The following MRRF variants were observed in gnomAD, a reference collection of about 807,000 sequenced individuals.
The protein encoded by MRRF is ribosome-recycling factor, mitochondrial.
In MRRF, 18 loss-of-function variants were observed where a neutral mutation model predicts 25.1. The observed-to-expected ratio is 0.72, with a 90% CI of 0.50 to 1.06. The LOEUF is 1.06. Ranked by LOEUF, MRRF falls within the 50% of genes least tolerant of loss-of-function variation. The pLI, the probability that MRRF is intolerant of heterozygous loss-of-function variation, is 0.00. For missense variants in MRRF, 323 were observed against 319.3 expected (o/e 1.01, Z -0.09); for synonymous variants, 113 against 112.1 (o/e 1.01, Z -0.05).
chr9:122,271,129 T>G, intron 2 of MRRF, 54 bp downstream of exon 2: 2 of 1,461,174 alleles, frequency 1.4e-6, no homozygotes, highest in Non-Finnish European at 1.9e-6. Flanking sequence ...AGTTGGCCCT[T>G]GAATTATAGC....
chr9:122,282,776 G>A (rs1246451627), intron 3 of MRRF, among the ~76,000 whole-genome samples: 3 of 152,184 alleles, frequency 2.0e-5, no homozygotes, highest in African/African-American at 7.2e-5. Flanking sequence ...CTGGGGGCTT[G>A]TAAAAGGGGT....
intron 1 of MRRF, among the ~76,000 whole-genome samples, chr9:122,266,089 C>A (rs1832063326): frequency 6.6e-6 from 1 of 152,236 alleles, no homozygotes; most frequent in African/African-American, 2.4e-5. Flanking sequence ...TCTTTCTGGA[C>A]TTTCACTGAT....
At chr9:122,281,978 T>C (rs16911579) in intron 3 of MRRF, among the ~76,000 whole-genome samples, 3,930 of 152,320 alleles carry the variant, frequency 0.026, 151 homozygotes, top group African/African-American at 0.085. Flanking sequence ...TTGGGACTTC[T>C]GTGGCAAAGG....
In MRRF at chr9:122,324,996, C is replaced by T. The variant is rs55970475; in HGVS notation, c.*2379C>T. ...AAGCCACATGACAGGGGCTTTGCAA[C>T]AGTCTTTCATGAGTGGCCGAAATCC... is the stretch of plus-strand genomic sequence containing the variant. On this transcript the variant is annotated 3_prime_UTR_variant, in exon 7 of 7. Coordinates refer to ENST00000344641, the MANE Select transcript of MRRF (RefSeq NM_138777.5). 2.8e-4 allele frequency: 42 copies of T among 152,312 alleles called. No individual in the cohort carries two copies. Among genetic ancestry groups the T allele is most frequent in the African/African-American group, 9.9e-4 (41 of 41,554 alleles). 9.4% of individuals were successfully genotyped at this position (152,312 alleles called of 1,614,324 possible). A position where few individuals can be genotyped will look rare whatever the true frequency, so the allele number is the denominator to read the frequency against.
intron 4 of MRRF, among the ~76,000 whole-genome samples, chr9:122,288,964 A>G (rs1833581121): frequency 6.6e-6 from 1 of 152,190 alleles, no homozygotes; most frequent in Admixed American, 6.5e-5. Flanking sequence ...GCCCTGTGAT[A>G]CTGTCGAGCA....
chr9:122,307,137 G>C (rs921121990), intron 5 of MRRF, among the ~76,000 whole-genome samples: 1 of 152,168 alleles, frequency 6.6e-6, no homozygotes, highest in African/African-American at 2.4e-5. Context: ...TTTCCGTCAG[G>C]ACCGGCAGCC....
At chr9:122,289,931 T>C (rs1013970603) in intron 4 of MRRF, among the ~76,000 whole-genome samples, 4 of 151,746 alleles carry the variant, frequency 2.6e-5, no homozygotes, top group South Asian at 4.2e-4. Context: ...TTTCTTTTTT[T>C]CCTCCTGCAG....
chr9:122,322,599 C>G lies in MRRF; in HGVS notation c.771C>G (p.Thr257=). 6.2e-7 allele frequency: 1 copy of G among 1,614,072 alleles called. No individual in the cohort carries two copies. Among genetic ancestry groups the G allele is most frequent in the African/African-American group, 1.3e-5 (1 of 75,002 alleles). Residue 257 remains threonine, a synonymous_variant, in exon 7 of 7, where the codon ACC becomes ACG. Transcript: ENST00000344641. Reference sequence around the variant, plus strand: ...TGGACAGGCATCTGGCAGTGAAGACCAAAGAACTCCTTGGATGAAAGTCCA... The same window carrying G: ...TGGACAGGCATCTGGCAGTGAAGACGAAAGAACTCCTTGGATGAAAGTCCA... ...AELDRHLAVK[T]KELLG
chr9:122,308,111 T>G (rs1564506807), intron 5 of MRRF, among the ~76,000 whole-genome samples: 1 of 152,142 alleles, frequency 6.6e-6, no homozygotes, highest in South Asian at 2.1e-4. Context: ...GTGGAGCTTG[T>G]ACAAACAAAG....
intron 3 of MRRF, among the ~76,000 whole-genome samples, chr9:122,283,515 T>C (rs1207199520): frequency 6.6e-6 from 1 of 152,200 alleles, no homozygotes; most frequent in East Asian, 1.9e-4. Flanking sequence ...ACTCAGGTAA[T>C]TGGTCTTCAG....
chr9:122,270,938 G>T lies in MRRF; in HGVS notation c.47G>T (p.Arg16Leu), dbSNP rs771838570. 5.0e-6 allele frequency: 8 copies of T among 1,614,066 alleles called. No homozygotes were observed. The highest frequency in any genetic ancestry group is 6.8e-6 in the Non-Finnish European group (8 of 1,180,014). The change falls in exon 2 of 7, where the codon CGC (arginine) becomes CTC (leucine). Residue 16 changes from arginine (R) to leucine (L), a missense_variant. Physicochemically the swap from Arg to Leu is moderately radical, Grantham distance 102. Coordinates refer to ENST00000344641, the MANE Select transcript of MRRF (RefSeq NM_138777.5). The part of the protein sequence containing the change: ...KCFRMVHPTF[R>L]NYLAASIRPV... ...TTCCGCATGGTCCACCCTACCTTTC[G>T]CAATTATCTTGCAGCCTCTATCAGA...
chr9:122,265,366 A>G (rs1323102152), intron 1 of MRRF: 1 of 213,048 alleles, frequency 4.7e-6, no homozygotes, highest in East Asian at 1.4e-4. Context: ...TTTAACCACC[A>G]CTCTGTGCCA....
rs745904038 is a variant in MRRF, at chr9:122,268,954, A to G, written c.-28-1910A>G. 6.5e-4 allele frequency among the ~76,000 whole-genome samples: 98 copies of G among 151,830 alleles called. 2 individuals carry two copies. Among genetic ancestry groups the G allele is most frequent in the Non-Finnish European group, 1.5e-4 (10 of 67,948 alleles). The stretch of plus-strand genomic sequence containing the variant: ...GCCGAGGTGGGTGGATCACGAGGTC[A>G]GGAGATCGAGACCAACCTGGCTAAC... On this transcript the variant is annotated intron_variant, in intron 1 of 6. Transcript: ENST00000344641.
At chr9:122,286,035 C>T (rs1310455321) in intron 4 of MRRF, 2 of 1,297,556 alleles carry the variant, frequency 1.5e-6, no homozygotes, top group African/African-American at 3.0e-5. Flanking sequence ...TATTGGTCCA[C>T]TAGGAATTGG....
intron 5 of MRRF, among the ~76,000 whole-genome samples, chr9:122,295,602 C>T (rs1159998499): frequency 1.3e-5 from 2 of 152,062 alleles, no homozygotes; most frequent in African/African-American, 4.8e-5. Flanking sequence ...CCCGCCACCA[C>T]GTCTGGCTAA....
chr9:122,271,097 T>TC (rs1203203716), intron 2 of MRRF, 22 bp downstream of exon 2: 1 of 1,599,524 alleles, frequency 6.3e-7, no homozygotes, highest in South Asian at 1.1e-5. Flanking sequence ...TGACGTTCTC[T>TC]CCTACTTCAC....
chr9:122,322,568 C>G lies in MRRF; in HGVS notation c.740C>G (p.Ala247Gly). 1 of 1,614,106 alleles carries G rather than the reference C, an allele frequency of 6.2e-7. No homozygotes were observed. The highest frequency in any genetic ancestry group is 8.5e-7 in the Non-Finnish European group (1 of 1,180,024). Residue 247 changes from alanine to glycine, a missense_variant, in exon 7 of 7, where the codon GCA (alanine) becomes GGA (glycine). Coordinates refer to ENST00000344641, the MANE Select transcript of MRRF (RefSeq NM_138777.5). ...AGCCAAATGGCCGATGACACAGTGG[C>G]AGAACTGGACAGGCATCTGGCAGTG... ...QISQMADDTV[A>G]ELDRHLAVKT...
rs1171770921 is a variant in MRRF, at chr9:122,325,887, A to G, written c.*3270A>G. ...TCGCCCATCATGCAGTGGCACAATCATAGCTCACTGCAGCCTTGAACTCTT... is the reference window on the plus strand; with the variant it reads ...TCGCCCATCATGCAGTGGCACAATCGTAGCTCACTGCAGCCTTGAACTCTT... On this transcript the variant is annotated 3_prime_UTR_variant, in exon 7 of 7. Coordinates refer to ENST00000344641, the MANE Select transcript of MRRF (RefSeq NM_138777.5). 1 of 151,712 alleles carries G rather than the reference A, an allele frequency of 6.6e-6. No homozygotes were observed. Among genetic ancestry groups the G allele is most frequent in the Non-Finnish European group, 1.5e-5 (1 of 68,052 alleles). The allele number at this position is 151,712 out of a possible 1,614,324, so 9.4% of individuals were successfully genotyped here.
At chr9:122,279,247 G>A (rs1006505165) in intron 2 of MRRF, among the ~76,000 whole-genome samples, 22 of 152,280 alleles carry the variant, frequency 1.4e-4, no homozygotes, top group African/African-American at 4.3e-4. Context: ...GCAAATAAAT[G>A]TTTTTAAAAA....
Sources: gnomAD v4.1 joint callset for allele counts (sites outside exome capture counted in the v4.1 genomes callset) on GRCh38, gnomAD v4.1.1 for gene constraint, MANE v1.5 for transcripts, NCBI Gene and HGNC (gene_info 2026-07-23, HGNC 2026-07-21) for gene names.